Variants in SPATA6L observed in about 807,000 individuals in gnomAD.
SPATA6L encodes the protein spermatogenesis associated 6-like protein.
A neutral mutation model predicts 49.2 loss-of-function variants in SPATA6L; 68 were observed. The observed-to-expected ratio is 1.38, with a 90% confidence interval of 1.14 to 1.69. SPATA6L has a LOEUF of 1.69. Ranked by LOEUF, SPATA6L falls within the 40% of genes most tolerant of loss-of-function variation. SPATA6L has a pLI of 0.00. For synonymous variants in SPATA6L, 198 were observed against 165.7 expected, an observed-to-expected ratio of 1.19 and a Z score of -1.50; for missense variants, 668 against 464.3, an observed-to-expected ratio of 1.44 and a Z score of -4.03.
At chr9:4,656,952 A>C (rs1410697293) in intron 2 of SPATA6L, among the ~76,000 whole-genome samples, 1 of 150,156 alleles carries the variant, frequency 6.7e-6, no homozygotes, top group East Asian at 1.9e-4. Context: ...CTACACTCCC[A>C]TAGAATAAGG....
Position 4,642,276 on chromosome 9 carries a change from T to C in SPATA6L, c.227-6877A>G, listed in dbSNP as rs372790943. 7.9e-5 allele frequency among the ~76,000 whole-genome samples: 12 copies of C among 152,308 alleles called. No individual in the cohort carries two copies. In the South Asian group the frequency reaches 1.9e-3, roughly 24 times the overall value. Reference sequence around the variant, plus strand: ...CTAAAATATAATGTGCCAGCAGTGATATATGTTTGAACATAAAATTGGGTC... The same window carrying C: ...CTAAAATATAATGTGCCAGCAGTGACATATGTTTGAACATAAAATTGGGTC... On this transcript the variant is annotated intron_variant, in intron 3 of 11. Transcript: ENST00000682582.
At chr9:4,651,853 G>C (rs754543338) in intron 3 of SPATA6L, among the ~76,000 whole-genome samples, 20 of 152,132 alleles carry the variant, frequency 1.3e-4, no homozygotes, top group Admixed American at 6.5e-5. Context: ...ACAACTAATG[G>C]TGAAAAACTG....
At chr9:4,641,860 C>T (rs1834105582) in intron 3 of SPATA6L, among the ~76,000 whole-genome samples, 1 of 152,200 alleles carries the variant, frequency 6.6e-6, no homozygotes, top group African/African-American at 2.4e-5. Context: ...GCAGCCTCAA[C>T]CTCTTTGGCT....
At chr9:4,590,527 A>G (rs1478978324) in intron 13 of SPATA6L, among the ~76,000 whole-genome samples, 1 of 152,182 alleles carries the variant, frequency 6.6e-6, no homozygotes, top group Non-Finnish European at 1.5e-5. Context: ...ACCAAGTTCA[A>G]AACAGTTATG....
chr9:4,637,925 A>C (rs1833130728), intron 3 of SPATA6L, among the ~76,000 whole-genome samples: 1 of 152,230 alleles, frequency 6.6e-6, no homozygotes, highest in Non-Finnish European at 1.5e-5. Context: ...AAGCTTTTCC[A>C]ACTCTTACCC....
At chr9:4,644,658 TTCTCTC>T (rs375004235) in intron 3 of SPATA6L, among the ~76,000 whole-genome samples, 2,875 of 142,974 alleles carry the variant, frequency 0.02, 69 homozygotes, top group Admixed American at 0.064. Context: ...GTTTTCAGTA[TTCTCTC>T]TCTCTCTCTC....
intron 13 of SPATA6L, among the ~76,000 whole-genome samples, chr9:4,590,113 AG>A (rs61533161): frequency 0.094 from 14,364 of 152,104 alleles, 1,271 homozygotes; most frequent in East Asian, 0.45. Flanking sequence ...TGGTACAGAC[AG>A]GGTTTCACCA....
chr9:4,636,848 C>T (rs1272487206), intron 3 of SPATA6L, among the ~76,000 whole-genome samples: 6 of 152,176 alleles, frequency 3.9e-5, no homozygotes, highest in African/African-American at 1.2e-4. Context: ...CTCCCAGCCA[C>T]GCTCCAGCCA....
chr9:4,654,388 G>C (rs181016226), intron 3 of SPATA6L, among the ~76,000 whole-genome samples: 10 of 152,306 alleles, frequency 6.6e-5, no homozygotes, highest in African/African-American at 2.2e-4. Flanking sequence ...ACGGGGGCAG[G>C]CTGTGGGGTT....
intron 1 of SPATA6L, chr9:4,664,786 G>A (rs1840616429): frequency 6.0e-6 from 1 of 167,092 alleles, no homozygotes; most frequent in South Asian, 2.1e-4. Context: ...GTGAAAGCAT[G>A]AGCTTGTTCA....
downstream of SPATA6L, among the ~76,000 whole-genome samples, chr9:4,597,083 A>G (rs549068834): frequency 6.6e-6 from 1 of 152,286 alleles, no homozygotes; most frequent in East Asian, 1.9e-4. Context: ...TATTATACAT[A>G]AGGACATTGA....
chr9:4,653,295 T>G (rs1837338960), intron 3 of SPATA6L, among the ~76,000 whole-genome samples: 1 of 152,146 alleles, frequency 6.6e-6, no homozygotes, highest in Non-Finnish European at 1.5e-5. Flanking sequence ...CTAAAACAAA[T>G]GGATATCCAT....
chr9:4,638,763 C>T (rs1393284206), intron 3 of SPATA6L, among the ~76,000 whole-genome samples: 1 of 149,036 alleles, frequency 6.7e-6, no homozygotes, highest in Non-Finnish European at 1.5e-5. Context: ...GTGTTAAGAA[C>T]TCTTTTCTTT....
At chr9:4,615,686 T>G (rs955763592) in intron 9 of SPATA6L, among the ~76,000 whole-genome samples, 1 of 152,250 alleles carries the variant, frequency 6.6e-6, no homozygotes, top group Non-Finnish European at 1.5e-5. Flanking sequence ...CTATCTCATA[T>G]TCAGTGACAA....
downstream of SPATA6L, among the ~76,000 whole-genome samples, chr9:4,593,851 C>T (rs1209675468): frequency 6.6e-6 from 1 of 152,206 alleles, no homozygotes; most frequent in African/African-American, 2.4e-5. Context: ...TGCTCCCTTA[C>T]TGTGGGTCTC....
chr9:4,645,347 G>A (rs143074578), intron 3 of SPATA6L, among the ~76,000 whole-genome samples: 1 of 152,278 alleles, frequency 6.6e-6, no homozygotes, highest in African/African-American at 2.4e-5. Context: ...CAGAATACCT[G>A]AAACTGGGTA....
At chr9:4,664,921 T>G (rs1158027770) in intron 1 of SPATA6L, 2 of 167,130 alleles carry the variant, frequency 1.2e-5, no homozygotes, top group Non-Finnish European at 2.9e-5. Flanking sequence ...AAGCTCTAAG[T>G]GGTTTGGGTT....
At chr9:4,606,071 G>C (rs1317269078) in intron 9 of SPATA6L, among the ~76,000 whole-genome samples, 1 of 152,096 alleles carries the variant, frequency 6.6e-6, no homozygotes, top group Non-Finnish European at 1.5e-5. Flanking sequence ...GGAAAATCGG[G>C]TCACTCCCAC....
intron 3 of SPATA6L, among the ~76,000 whole-genome samples, chr9:4,648,205 C>T (rs301479): frequency 0.63 from 95,791 of 151,948 alleles, 32,171 homozygotes; most frequent in African/African-American, 0.88. Context: ...AATTTGAATT[C>T]ATAGGACAAA....
Sources: gnomAD v4.1 joint callset for allele counts (sites outside exome capture counted in the v4.1 genomes callset) on GRCh38, gnomAD v4.1.1 for gene constraint, MANE v1.5 for transcripts, NCBI Gene and HGNC (gene_info 2026-07-23, HGNC 2026-07-21) for gene names.